Variants in LPA observed in about 807,000 individuals in gnomAD.
The protein encoded by LPA is apolipoprotein(a).
LPA carries 199 observed loss-of-function variants against 197.9 expected under a neutral mutation model. That is an observed-to-expected ratio of 1.01 (90% CI 0.90 to 1.13). LPA has a LOEUF of 1.13. LPA is among the 50% of genes most tolerant of loss of function. The probability of loss-of-function intolerance (pLI) is 0.00; values close to 1 mark genes in which losing one functional copy is unlikely to be tolerated. For synonymous variants in LPA, 715 were observed against 639.5 expected (o/e 1.12, Z -1.78); for missense variants, 1,853 against 1,785.8 (o/e 1.04, Z -0.68).
chr6:160,596,552 C>G (rs41271022), intron 20 of LPA, among the ~76,000 whole-genome samples: 3,013 of 152,164 alleles, frequency 0.02, 77 homozygotes, highest in Middle Eastern at 0.19. Flanking sequence ...TTTTAACACA[C>G]AAAGTCAACA....
rs566562843 is a variant in LPA at position 160,575,312 on chromosome 6, T to C, written c.4631+1824A>G. Among the ~76,000 whole-genome samples the C allele has an allele frequency of 1.8e-3, 275 of 152,330 alleles. 1 individual carries two copies. Among genetic ancestry groups the C allele is most frequent in the African/African-American group, 6.2e-3 (258 of 41,586 alleles). ...AAGATCAAATGATCATATGTATATTTTAAATGTTTTTGCTAATTCTATCAT... is the reference window on the plus strand; with the variant it reads ...AAGATCAAATGATCATATGTATATTCTAAATGTTTTTGCTAATTCTATCAT... On this transcript the variant is annotated intron_variant, in intron 28 of 38. Transcript: ENST00000316300.
intron 28 of LPA, among the ~76,000 whole-genome samples, chr6:160,574,746 A>C (rs1037469367): frequency 3.3e-5 from 5 of 152,146 alleles, no homozygotes; most frequent in African/African-American, 1.2e-4. Context: ...GGGAACTCAC[A>C]GTATTTGGGG....
Position 160,601,075 on chromosome 6 carries a change from C to T in LPA, c.2969G>A (p.Arg990Gln), listed in dbSNP as rs41259144. The change falls in exon 19 of 39, where the codon CGA becomes CAA. Residue 990 changes from arginine to glutamine, a missense_variant. This residue lies in a region of LPA where 1,737 missense variants were observed against 1,504.4 expected (regional missense o/e 1.15). Coordinates refer to ENST00000316300, the MANE Select transcript of LPA (RefSeq NM_005577.4). ...PNAGLIKNYC[R>Q]NPDPVAAPWC... ...AGGGGCTGCCACAGGATCTGGATTT[C>T]GGCAGTAGTTCTTGATCAAGCCACT... is the stretch of plus-strand genomic sequence containing the variant. 9.0e-3 allele frequency: 14,520 copies of T among 1,613,968 alleles called. 95 individuals carry two copies. Among genetic ancestry groups the T allele is most frequent in the Admixed American group, 0.011 (657 of 60,006 alleles).
intron 1 of LPA, among the ~76,000 whole-genome samples, chr6:160,651,601 C>T (rs1248256370): frequency 2.0e-5 from 3 of 152,296 alleles, no homozygotes; most frequent in Admixed American, 6.5e-5. Flanking sequence ...TCTACTGTTC[C>T]TCCATTTATG....
intron 28 of LPA, among the ~76,000 whole-genome samples, chr6:160,568,583 G>A (rs1302148123): frequency 3.3e-5 from 5 of 152,278 alleles, no homozygotes; most frequent in South Asian, 2.1e-4. Context: ...GCACAAGACA[G>A]GGATGCCCTC....
At chr6:160,582,650 T>C (rs1459911302) in intron 26 of LPA, among the ~76,000 whole-genome samples, 2 of 152,128 alleles carry the variant, frequency 1.3e-5, no homozygotes, top group Non-Finnish European at 2.9e-5. Flanking sequence ...TTAATTATGA[T>C]GTGTCCAAAT....
chr6:160,657,079 T>C (rs994332341), intron 1 of LPA, among the ~76,000 whole-genome samples: 4 of 152,200 alleles, frequency 2.6e-5, no homozygotes, highest in Admixed American at 6.5e-5. Flanking sequence ...ATTATTCCCA[T>C]TGTATTTAAA....
At chr6:160,602,495 G>T (rs913648952) in intron 18 of LPA, among the ~76,000 whole-genome samples, 8 of 152,126 alleles carry the variant, frequency 5.3e-5, no homozygotes, top group Non-Finnish European at 1.0e-4. Flanking sequence ...TTTGCTTCAA[G>T]TAGTCAACTC....
intron 20 of LPA, among the ~76,000 whole-genome samples, chr6:160,595,901 A>G (rs1327451993): frequency 1.3e-5 from 2 of 152,096 alleles, no homozygotes; most frequent in Non-Finnish European, 2.9e-5. Context: ...GGATCAGAAT[A>G]CCCTCCTTCC....
intron 33 of LPA, among the ~76,000 whole-genome samples, chr6:160,543,227 A>G (rs1314335614): frequency 6.6e-6 from 1 of 152,152 alleles, no homozygotes; most frequent in Non-Finnish European, 1.5e-5. Context: ...GGGGTAATTT[A>G]CACACATGTG....
Position 160,594,166 on chromosome 6 carries a change from A to G in LPA, c.3470-49T>C, listed in dbSNP as rs764041407. The G allele has an allele frequency of 6.2e-6, 10 of 1,607,880 alleles. No individual in the cohort carries two copies. In the Admixed American group the frequency reaches 1.3e-4, roughly 21 times the overall value. On this transcript the variant is annotated intron_variant, in intron 21 of 38. Transcript: ENST00000316300. Reference sequence around the variant, plus strand: ...AAGCTGAGTAATTTCTAGAACACAGAAGCATCAGAAGAAATCTGTGACTGA... The same window carrying G: ...AAGCTGAGTAATTTCTAGAACACAGGAGCATCAGAAGAAATCTGTGACTGA...
chr6:160,587,538 T>C (rs1226855104), intron 24 of LPA, among the ~76,000 whole-genome samples: 2 of 152,210 alleles, frequency 1.3e-5, no homozygotes, highest in African/African-American at 4.8e-5. Flanking sequence ...AGAGTTTTGC[T>C]CTTTAAAATT....
chr6:160,590,143 C>T (rs1407665502), intron 23 of LPA, among the ~76,000 whole-genome samples: 1 of 152,194 alleles, frequency 6.6e-6, no homozygotes, highest in Admixed American at 6.6e-5. Context: ...AAGCCAAAGC[C>T]TTAAGTTTCT....
chr6:160,660,780 G>A (rs1780211255), intron 1 of LPA, among the ~76,000 whole-genome samples: 1 of 151,714 alleles, frequency 6.6e-6, no homozygotes, highest in African/African-American at 2.4e-5. Flanking sequence ...AAAAAAAAAT[G>A]GAGGATATGA....
At chr6:160,573,483 T>A (rs746226909) in intron 28 of LPA, among the ~76,000 whole-genome samples, 2 of 152,134 alleles carry the variant, frequency 1.3e-5, no homozygotes, top group Admixed American at 6.6e-5. Context: ...GCTGGTGAAC[T>A]GGGAGTGTGA....
intron 28 of LPA, among the ~76,000 whole-genome samples, chr6:160,564,551 G>A (rs552888046): frequency 1.3e-5 from 2 of 152,158 alleles, no homozygotes; most frequent in Non-Finnish European, 2.9e-5. Flanking sequence ...TGGCCGAATA[G>A]GAACAGCTCC....
At position 160,635,030 on chromosome 6, in the gene LPA, G is replaced by C. The variant is rs527840725; in HGVS notation, c.1075+93C>G. ...GAACTCCGGCAACACTCGAGCATCC[G>C]TTTACCATTGAAGGCGGCTGCATCA... On this transcript the variant is annotated intron_variant, in intron 7 of 38. Transcript: ENST00000316300. 1.7e-3 allele frequency: 2,534 copies of C among 1,503,438 alleles called. 15 individuals carry two copies. The highest frequency in any genetic ancestry group is 1.9e-3 in the Non-Finnish European group (2,022 of 1,092,546). The allele number at this position is 1,503,438 out of a possible 1,614,324, so 93.1% of individuals were successfully genotyped here.
chr6:160,573,284 TTTA>T (rs1335376823), intron 28 of LPA, among the ~76,000 whole-genome samples: 1 of 152,196 alleles, frequency 6.6e-6, no homozygotes, highest in Non-Finnish European at 1.5e-5. Flanking sequence ...TACTGAATTT[TTTA>T]TTGTTTTTTT....
intron 1 of LPA, among the ~76,000 whole-genome samples, chr6:160,659,790 A>C (rs574453391): frequency 9.2e-5 from 14 of 152,280 alleles, no homozygotes; most frequent in Admixed American, 7.2e-4. Context: ...CAGTGTGGCC[A>C]CTTTTCCATA....
Sources: gnomAD v4.1 joint callset for allele counts (sites outside exome capture counted in the v4.1 genomes callset) on GRCh38, gnomAD v4.1.1 for gene constraint, gnomAD v4.1.1 regional missense constraint, MANE v1.5 for transcripts, NCBI Gene and HGNC (gene_info 2026-07-23, HGNC 2026-07-21) for gene names.